Variants in ANO2 observed in about 807,000 individuals in gnomAD.
ANO2 encodes anoctamin-2.
ANO2 carries 101 observed loss-of-function variants against 124.2 expected under a neutral mutation model. The ratio of observed to expected loss-of-function variants is 0.81; its 90% confidence interval spans 0.69 to 0.96. The LOEUF is 0.96. Ranked by LOEUF, ANO2 falls within the 40% of genes least tolerant of loss-of-function variation. ANO2 has a pLI of 0.00. For missense variants in ANO2, 1,293 were observed against 1,274.5 expected (o/e 1.01, Z -0.22); for synonymous variants, 486 against 482.5 (o/e 1.01, Z -0.09).
At chr12:5,738,377 C>A (rs1287404050) in intron 13 of ANO2, among the ~76,000 whole-genome samples, 1 of 152,226 alleles carries the variant, frequency 6.6e-6, no homozygotes, top group Non-Finnish European at 1.5e-5. Context: ...TTCCATGCAG[C>A]CACCTTACTG....
At chr12:5,591,977 C>T (rs976669189) in intron 20 of ANO2, among the ~76,000 whole-genome samples, 4 of 152,188 alleles carry the variant, frequency 2.6e-5, no homozygotes, top group African/African-American at 9.7e-5. Flanking sequence ...ACACTAATGA[C>T]TTGACCCCTT....
chr12:5,823,091 T>G (rs1953856812), intron 7 of ANO2, among the ~76,000 whole-genome samples: 1 of 152,164 alleles, frequency 6.6e-6, no homozygotes. Context: ...CAAGTTGAGA[T>G]TTGCAGGGGG....
chr12:5,760,822 C>T (rs1348951095), intron 10 of ANO2, among the ~76,000 whole-genome samples: 2 of 152,122 alleles, frequency 1.3e-5, no homozygotes, highest in Admixed American at 6.5e-5. Context: ...ATCCTTTAAA[C>T]GTTCAACTGC....
chr12:5,733,534 G>A (rs1477664825), intron 13 of ANO2, among the ~76,000 whole-genome samples: 3 of 152,202 alleles, frequency 2.0e-5, no homozygotes, highest in Non-Finnish European at 4.4e-5. Flanking sequence ...TTCAGGTACT[G>A]GCTCACAATG....
intron 14 of ANO2, among the ~76,000 whole-genome samples, chr12:5,653,182 G>A (rs1448333977): frequency 6.6e-6 from 1 of 152,164 alleles, no homozygotes; most frequent in Non-Finnish European, 1.5e-5. Flanking sequence ...TCTTTGGGAA[G>A]CCCACAAAGG....
intron 7 of ANO2, among the ~76,000 whole-genome samples, chr12:5,813,919 C>T (rs943735411): frequency 1.3e-5 from 2 of 152,174 alleles, no homozygotes; most frequent in African/African-American, 2.4e-5. Flanking sequence ...ATGGCTTGAC[C>T]GAAGTTTTAC....
chr12:5,748,870 CAAA>C lies in ANO2; in HGVS notation c.1190+1963_1190+1965del, dbSNP rs60191649. Reference sequence around the variant, plus strand: ...CCCCTTCCTTTTTCCCTTCACCCTCCAAAAAAAAAAAAAAAAAACAAAACAAAA... The same window carrying C: ...CCCCTTCCTTTTTCCCTTCACCCTCCAAAAAAAAAAAAAAACAAAACAAAA... On this transcript the variant is annotated intron_variant, in intron 11 of 24. Transcript: ENST00000682330. Among the ~76,000 whole-genome samples, 1,010 of 101,646 alleles carry C rather than the reference CAAA, an allele frequency of 9.9e-3. 18 individuals carry two copies. Among genetic ancestry groups the C allele is most frequent in the Middle Eastern group, 0.071 (15 of 210 alleles). The allele number at this position is 101,646 out of a possible 152,430, so 66.7% of individuals were successfully genotyped here.
chr12:5,763,593 TAAATAACCTATGGATC>T (rs1951797830), intron 10 of ANO2, among the ~76,000 whole-genome samples: 1 of 152,102 alleles, frequency 6.6e-6, no homozygotes, highest in Admixed American at 6.5e-5. Flanking sequence ...AACATCCTTC[TAAATAACCTATGGATC>T]AAAGAAGAAA....
At chr12:5,615,803 A>C (rs1488951168) in intron 16 of ANO2, among the ~76,000 whole-genome samples, 5 of 152,184 alleles carry the variant, frequency 3.3e-5, no homozygotes, top group Non-Finnish European at 7.3e-5. Flanking sequence ...GAATTTGAGC[A>C]TTAATTTGGA....
chr12:5,944,925 G>A (rs1169015678), intron 1 of ANO2, among the ~76,000 whole-genome samples: 5 of 152,112 alleles, frequency 3.3e-5, no homozygotes, highest in Non-Finnish European at 5.9e-5. Context: ...ACAGAGAAGC[G>A]GCCGCCCAAA....
intron 14 of ANO2, among the ~76,000 whole-genome samples, chr12:5,716,786 G>A (rs533017187): frequency 1.3e-5 from 2 of 152,274 alleles, no homozygotes; most frequent in South Asian, 4.1e-4. Flanking sequence ...CCCAGAGGTG[G>A]ACAAACTCTG....
intron 16 of ANO2, among the ~76,000 whole-genome samples, chr12:5,616,132 C>A (rs151033238): frequency 2.3e-3 from 343 of 152,300 alleles, no homozygotes; most frequent in African/African-American, 8.0e-3. Context: ...AATGGCATGA[C>A]AAGGACAAGA....
chr12:5,867,157 T>G (rs1026288177), intron 3 of ANO2, among the ~76,000 whole-genome samples: 4 of 152,246 alleles, frequency 2.6e-5, no homozygotes, highest in Non-Finnish European at 5.9e-5. Flanking sequence ...AAAGAGGCAG[T>G]GTAGACTTTG....
At chr12:5,756,298 C>T (rs1304851908) in intron 10 of ANO2, among the ~76,000 whole-genome samples, 9 of 151,898 alleles carry the variant, frequency 5.9e-5, no homozygotes, top group African/African-American at 1.7e-4. Flanking sequence ...TCTCTTGCAG[C>T]TCATTTAAGA....
intron 7 of ANO2, among the ~76,000 whole-genome samples, chr12:5,808,449 A>G (rs1953274487): frequency 6.6e-6 from 1 of 152,158 alleles, no homozygotes; most frequent in African/African-American, 2.4e-5. Context: ...GCTGGCTTCC[A>G]GATGGGAGGG....
intron 10 of ANO2, among the ~76,000 whole-genome samples, chr12:5,793,849 C>T (rs1401947671): frequency 6.6e-6 from 1 of 152,210 alleles, no homozygotes; most frequent in Admixed American, 6.5e-5. Context: ...ACTCCAACTC[C>T]TGTTTCCATT....
chr12:5,778,716 G>C (rs940886693), intron 10 of ANO2, among the ~76,000 whole-genome samples: 1 of 152,186 alleles, frequency 6.6e-6, no homozygotes, highest in African/African-American at 2.4e-5. Context: ...AAAGTGTAAT[G>C]AACAATATGG....
intron 3 of ANO2, among the ~76,000 whole-genome samples, chr12:5,897,737 C>CA (rs59719568): frequency 0.025 from 3,296 of 132,450 alleles, 91 homozygotes; most frequent in African/African-American, 0.07. Flanking sequence ...ACATACAGAC[C>CA]AAAAAAAAAA....
intron 3 of ANO2, chr12:5,856,757 G>A (rs1451409220): frequency 6.6e-6 from 1 of 152,196 alleles, no homozygotes; most frequent in Non-Finnish European, 1.5e-5. Context: ...GATGCCTTTA[G>A]ATTTTTACGT....
Sources: gnomAD v4.1 joint callset for allele counts (sites outside exome capture counted in the v4.1 genomes callset) on GRCh38, gnomAD v4.1.1 for gene constraint, MANE v1.5 for transcripts, NCBI Gene and HGNC (gene_info 2026-07-23, HGNC 2026-07-21) for gene names.